GRWD1: variants seen among roughly 807,000 people sequenced by gnomAD.
GRWD1 encodes the protein glutamate-rich WD repeat-containing protein 1.
A neutral mutation model predicts 45.3 loss-of-function variants in GRWD1; 29 were observed. The observed-to-expected ratio is 0.64, with a 90% CI of 0.48 to 0.87. The LOEUF (loss-of-function observed/expected upper bound fraction) is 0.87. Among genes scored for constraint, GRWD1 ranks in the 40% least tolerant of loss-of-function variants. GRWD1 has a pLI of 0.00. For synonymous variants in GRWD1, 262 were observed against 257.6 expected (o/e 1.02, Z -0.16); for missense variants, 592 against 618.8 (o/e 0.96, Z 0.46).
In GRWD1 at chr19:48,452,895, C is replaced by T. The variant is rs1334815921; in HGVS notation, c.1211C>T (p.Pro404Leu). The change falls in exon 7 of 7, where the codon CCG becomes CTG. Residue 404 changes from proline (P) to leucine (L), a missense_variant. Pro to Leu is a moderately conservative substitution (Grantham distance 98). Transcript: ENST00000253237. The surrounding 1 kb of genome is among the most constrained non-coding windows in gnomAD (Gnocchi z 5.1). ...VEADPGLADL[P>L]QQLLFVHQGE... ...GCCGACCCCGGACTGGCCGACCTCC[C>T]GCAGCAGCTGCTGTTCGTGCACCAG... 22 of 1,612,246 alleles carry T rather than the reference C, an allele frequency of 1.4e-5. No individual in the cohort carries two copies. The highest frequency in any genetic ancestry group is 1.9e-5 in the Non-Finnish European group (22 of 1,179,790).
chr19:48,450,965 C>T lies in GRWD1; in HGVS notation c.826-69C>T. The stretch of plus-strand genomic sequence containing the variant: ...GGGAACAGTGAAAGAGAGAGTAGCC[C>T]ACCGCTGGCGCTTGGGCTTCACTGC... On this transcript the variant is annotated intron_variant, in intron 5 of 6. Coordinates refer to ENST00000253237, the MANE Select transcript of GRWD1 (RefSeq NM_031485.4). The surrounding 1 kb of genome is among the most constrained non-coding windows in gnomAD (Gnocchi z 5.1). 6.5e-7 allele frequency: 1 copy of T among 1,539,450 alleles called. No homozygotes were observed. Among genetic ancestry groups the T allele is most frequent in the Non-Finnish European group, 8.9e-7 (1 of 1,128,950 alleles).
In GRWD1 at chr19:48,456,210, C is replaced by G. The variant is rs944173517; in HGVS notation, c.*3185C>G. ...TCAGTGTCAGTGCCCACCTGCCCCC[C>G]CAGCCCACGGGGGTGGTTCCTGAGG... On this transcript the variant is annotated 3_prime_UTR_variant, in exon 7 of 7. Coordinates refer to ENST00000253237, the MANE Select transcript of GRWD1 (RefSeq NM_031485.4). 8.5e-5 allele frequency: 13 copies of G among 152,546 alleles called. No homozygotes were observed. The highest frequency in any genetic ancestry group is 2.4e-4 in the African/African-American group (10 of 41,578). 9.4% of individuals were successfully genotyped at this position (152,546 alleles called of 1,614,324 possible).
chr19:48,446,665 C>T lies in GRWD1; in HGVS notation c.306-16C>T, dbSNP rs1234608626. 2.5e-6 allele frequency: 4 copies of T among 1,570,826 alleles called. No individual in the cohort carries two copies. The highest frequency in any genetic ancestry group is 2.7e-5 in the African/African-American group (2 of 73,672). ...CCTGGAATCTAGTGCCTAACTCACCCCACAATTTCTCCCAGACTGATGATG... is the reference window on the plus strand; with the variant it reads ...CCTGGAATCTAGTGCCTAACTCACCTCACAATTTCTCCCAGACTGATGATG... On this transcript the variant is annotated splice_polypyrimidine_tract_variant and intron_variant, in intron 2 of 6. Coordinates refer to ENST00000253237, the MANE Select transcript of GRWD1 (RefSeq NM_031485.4).
Position 48,454,700 on chromosome 19 carries a change from C to T in GRWD1, c.*1675C>T, listed in dbSNP as rs1026242531. 3 of 152,012 alleles carry T rather than the reference C, an allele frequency of 2.0e-5. No homozygotes were observed. Among genetic ancestry groups the T allele is most frequent in the African/African-American group, 7.3e-5 (3 of 41,256 alleles). 9.4% of individuals were successfully genotyped at this position (152,012 alleles called of 1,614,324 possible). A position where few individuals can be genotyped will look rare whatever the true frequency, so the allele number is the denominator to read the frequency against. On this transcript the variant is annotated 3_prime_UTR_variant, in exon 7 of 7. Coordinates refer to ENST00000253237, the MANE Select transcript of GRWD1 (RefSeq NM_031485.4). Reference sequence around the variant, plus strand: ...CCTCAGCTTGTCCCCTTCAAGAAGGCCTTGTCTTCCCATCAGTGACAGGCT... The same window carrying T: ...CCTCAGCTTGTCCCCTTCAAGAAGGTCTTGTCTTCCCATCAGTGACAGGCT...
chr19:48,446,626 T>C, intron 2 of GRWD1, 55 bp from the exon 3 acceptor site: 1 of 1,552,588 alleles, frequency 6.4e-7, no homozygotes. Flanking sequence ...CCAGCCTCTC[T>C]CCTTCCTAAG....
In GRWD1 at chr19:48,454,066, C is replaced by T. The variant is rs549911813; in HGVS notation, c.*1041C>T. On this transcript the variant is annotated 3_prime_UTR_variant, in exon 7 of 7. Coordinates refer to ENST00000253237, the MANE Select transcript of GRWD1 (RefSeq NM_031485.4). ...ACCCAACCTTCCGCCCACTGGGTGC[C>T]GCCGCGTTCTGCCTTCTCTAAGTGT... 5.3e-5 allele frequency: 8 copies of T among 152,088 alleles called. No individual in the cohort carries two copies. The highest frequency in any genetic ancestry group is 4.1e-4 in the South Asian group (2 of 4,832). 9.4% of individuals were successfully genotyped at this position (152,088 alleles called of 1,614,324 possible). A position where few individuals can be genotyped will look rare whatever the true frequency, so the allele number is the denominator to read the frequency against.
In GRWD1 at chr19:48,451,787, T is replaced by C. The variant is rs541968151; in HGVS notation, c.1023+556T>C. Among the ~76,000 whole-genome samples the C allele has an allele frequency of 3.9e-5, 6 of 152,288 alleles. No individual in the cohort carries two copies. The East Asian group carries it at 5.8e-4, about 15-fold the overall frequency. ...GCCTTCCCGGGCTGCCATGATGTCA[T>C]CCTTTTTCTCCTCCAGTTTGATCGT... On this transcript the variant is annotated intron_variant, in intron 6 of 6. Transcript: ENST00000253237.
At position 48,446,736 on chromosome 19, in the gene GRWD1, G is replaced by A. The variant is rs773308912; in HGVS notation, c.361G>A (p.Gly121Ser). ...TGGGACAAAGCCCCCACCCTCAGAG[G>A]GCAGTGATGAAGAAGAAGAGGAGGA... is the stretch of plus-strand genomic sequence containing the variant. ...LHGTKPPPSE[G>S]SDEEEEEEDE... Residue 121 changes from glycine (G) to serine (S), a missense_variant, in exon 3 of 7, where the codon GGC (glycine) becomes AGC (serine). By Grantham distance (56) the Gly-to-Ser change is moderately conservative (BLOSUM62 0). Transcript: ENST00000253237. 24 of 1,613,218 alleles carry A rather than the reference G, an allele frequency of 1.5e-5. No individual in the cohort carries two copies. The East Asian group carries it at 2.5e-4, about 16-fold the overall frequency.
At position 48,455,430 on chromosome 19, in the gene GRWD1, G is replaced by A. The variant is rs924720110; in HGVS notation, c.*2405G>A. ...GGCGGGGCTTCTTGGCCTCAGATTA[G>A]ACAGTGACTTTGACACGAAGTTGAA... On this transcript the variant is annotated 3_prime_UTR_variant, in exon 7 of 7. Coordinates refer to ENST00000253237, the MANE Select transcript of GRWD1 (RefSeq NM_031485.4). 6 of 152,226 alleles carry A rather than the reference G, an allele frequency of 3.9e-5. No homozygotes were observed. Among genetic ancestry groups the A allele is most frequent in the African/African-American group, 1.4e-4 (6 of 41,444 alleles). The allele number at this position is 152,226 out of a possible 1,614,324, so 9.4% of individuals were successfully genotyped here.
chr19:48,453,072 C>T lies in GRWD1; in HGVS notation c.*47C>T, dbSNP rs77441781. The stretch of plus-strand genomic sequence containing the variant: ...TTGCTTCCTGCTTGGAAACTGAAGT[C>T]GAATTGGGCTCCCCTGGAAGGGGTT... On this transcript the variant is annotated 3_prime_UTR_variant, in exon 7 of 7. Transcript: ENST00000253237. The T allele has an allele frequency of 0.018, 27,300 of 1,508,928 alleles. 360 individuals carry two copies. Among genetic ancestry groups the T allele is most frequent in the East Asian group, 0.045 (1,945 of 43,690 alleles). The allele number at this position is 1,508,928 out of a possible 1,614,324, so 93.5% of individuals were successfully genotyped here. A position where few individuals can be genotyped will look rare whatever the true frequency, so the allele number is the denominator to read the frequency against.
rs201982366 is a variant in GRWD1 at position 48,450,990 on chromosome 19, C to T, written c.826-44C>T. On this transcript the variant is annotated intron_variant, in intron 5 of 6. Transcript: ENST00000253237. The surrounding 1 kb of genome is among the most constrained non-coding windows in gnomAD (Gnocchi z 5.1). ...CACCGCTGGCGCTTGGGCTTCACTG[C>T]GGGCTGGGGGGCATTGGGACCACTC... 3.7e-5 allele frequency: 59 copies of T among 1,579,634 alleles called. No individual in the cohort carries two copies. In the East Asian group the frequency reaches 7.7e-4, roughly 20 times the overall value.
At chr19:48,448,662 G>T (rs1001012202) in intron 3 of GRWD1, among the ~76,000 whole-genome samples, 2 of 152,174 alleles carry the variant, frequency 1.3e-5, no homozygotes, top group African/African-American at 2.4e-5. Flanking sequence ...ACAGGTAGTG[G>T]GGCAGTGAAC....
rs868135479 is a variant in GRWD1, at chr19:48,446,774, TG to T, written c.400del (p.Glu134LysfsTer71). ...EEEEEEDEED[E>X]EERKPQLELA... ...AAGAAGAGGAGGAAGATGAAGAGGA[TG>T]AAGAAGAGCGGAAACCTCAGCTGGA... On this transcript the variant is annotated frameshift_variant, in exon 3 of 7. Coordinates refer to ENST00000253237, the MANE Select transcript of GRWD1 (RefSeq NM_031485.4). LOFTEE classifies it high-confidence loss of function. The T allele has an allele frequency of 6.2e-7, 1 of 1,614,134 alleles. No homozygotes were observed. Among genetic ancestry groups the T allele is most frequent in the Non-Finnish European group, 8.5e-7 (1 of 1,180,018 alleles).
In GRWD1 at chr19:48,454,436, C is replaced by G. The variant is rs1971511618; in HGVS notation, c.*1411C>G. 1 of 152,286 alleles carries G rather than the reference C, an allele frequency of 6.6e-6. No individual in the cohort carries two copies. The highest frequency in any genetic ancestry group is 2.1e-4 in the South Asian group (1 of 4,834). The allele number at this position is 152,286 out of a possible 1,614,324, so 9.4% of individuals were successfully genotyped here. Reference sequence around the variant, plus strand: ...CCCCCGGCCCCCCTCCATCCAGCCTCTGATCCATCTGTGGACTCCGAGGTC... The same window carrying G: ...CCCCCGGCCCCCCTCCATCCAGCCTGTGATCCATCTGTGGACTCCGAGGTC... On this transcript the variant is annotated 3_prime_UTR_variant, in exon 7 of 7. Transcript: ENST00000253237.
rs980988807 is a variant in GRWD1 at position 48,452,452 on chromosome 19, G to A, written c.1024-256G>A. Among the ~76,000 whole-genome samples, 3 of 152,116 alleles carry A rather than the reference G, an allele frequency of 2.0e-5. No homozygotes were observed. Among genetic ancestry groups the A allele is most frequent in the African/African-American group, 7.2e-5 (3 of 41,422 alleles). On this transcript the variant is annotated intron_variant, in intron 6 of 6. Transcript: ENST00000253237. The surrounding 1 kb of genome is among the most constrained non-coding windows in gnomAD (Gnocchi z 5.1). ...GGCAGGCAGAGGGAAGAGCAGGGGCGGGGGTTTTGCTACCTGAGCTGGGAG... is the reference window on the plus strand; with the variant it reads ...GGCAGGCAGAGGGAAGAGCAGGGGCAGGGGTTTTGCTACCTGAGCTGGGAG...
In GRWD1 at chr19:48,446,405, G is replaced by T; in HGVS notation, c.208G>T (p.Asp70Tyr). Reference sequence around the variant, plus strand: ...CCCAGGCGCCCCCTGTCTCAGCTTTGACATAGTCCGGGATCACCTGGGAGA... The same window carrying T: ...CCCAGGCGCCCCCTGTCTCAGCTTTTACATAGTCCGGGATCACCTGGGAGA... ...AQTGAPCLSFDIVRDHLGDNR... is the reference protein window; with the variant it reads ...AQTGAPCLSFYIVRDHLGDNR... The change falls in exon 2 of 7, where the codon GAC becomes TAC. Residue 70 changes from aspartate (D) to tyrosine (Y), a missense_variant. Physicochemically the swap from Asp to Tyr is radical, Grantham distance 160. Transcript: ENST00000253237. 1 of 1,614,154 alleles carries T rather than the reference G, an allele frequency of 6.2e-7. No homozygotes were observed. Among genetic ancestry groups the T allele is most frequent in the South Asian group, 1.1e-5 (1 of 91,056 alleles).
chr19:48,448,283 T>C (rs1028705659), intron 3 of GRWD1, among the ~76,000 whole-genome samples: 3 of 152,186 alleles, frequency 2.0e-5, no homozygotes, highest in Non-Finnish European at 2.9e-5. Context: ...AGCTAAAACA[T>C]CTTCTGATCA....
rs1491438044 is a variant in GRWD1, at chr19:48,447,070, CAT to C, written c.468+228_468+229del. 5.8e-3 allele frequency among the ~76,000 whole-genome samples: 724 copies of C among 124,038 alleles called. 58 individuals are homozygous for C. The highest frequency in any genetic ancestry group is 0.013 in the South Asian group (54 of 4,072). The allele number at this position is 124,038 out of a possible 152,430, so 81.4% of individuals were successfully genotyped here. On this transcript the variant is annotated intron_variant, in intron 3 of 6. Coordinates refer to ENST00000253237, the MANE Select transcript of GRWD1 (RefSeq NM_031485.4). ...CAAGCGTGAGCCACCGTGCCTGGCC[CAT>C]TTTTTTTTTTTTTTTTTTTGAGATG...
At position 48,450,955 on chromosome 19, in the gene GRWD1, G is replaced by A. The variant is rs913029763; in HGVS notation, c.826-79G>A. On this transcript the variant is annotated intron_variant, in intron 5 of 6. Coordinates refer to ENST00000253237, the MANE Select transcript of GRWD1 (RefSeq NM_031485.4). This position sits in a 1 kb window ranked among gnomAD's most constrained non-coding sequence, Gnocchi z 5.1. Reference sequence around the variant, plus strand: ...TCATAGTAAGGGGAACAGTGAAAGAGAGAGTAGCCCACCGCTGGCGCTTGG... The same window carrying A: ...TCATAGTAAGGGGAACAGTGAAAGAAAGAGTAGCCCACCGCTGGCGCTTGG... 1.3e-6 allele frequency: 2 copies of A among 1,524,708 alleles called. No individual in the cohort carries two copies. The highest frequency in any genetic ancestry group is 1.8e-5 in the Admixed American group (1 of 54,520). 94.4% of individuals were successfully genotyped at this position (1,524,708 alleles called of 1,614,324 possible). A position where few individuals can be genotyped will look rare whatever the true frequency, so the allele number is the denominator to read the frequency against.
Sources: allele counts gnomAD v4.1 joint callset (sites outside exome capture counted in the v4.1 genomes callset), GRCh38; gene constraint gnomAD v4.1.1; non-coding constraint Gnocchi (gnomAD v3.1); transcripts MANE v1.5; gene names NCBI Gene and HGNC (gene_info 2026-07-23, HGNC 2026-07-21).